The following TRIM67 variants were observed in gnomAD, a reference collection of about 807,000 sequenced individuals.
TRIM67 encodes tripartite motif-containing protein 67.
Under a neutral mutation model 71.0 loss-of-function variants are expected in TRIM67, and 39 were observed. The observed-to-expected ratio is 0.55, with a 90% CI of 0.43 to 0.72. The LOEUF is 0.72. TRIM67 is among the 30% of genes least tolerant of loss of function. The pLI is 0.00. For missense variants in TRIM67, 973 were observed against 1,079.2 expected, an observed-to-expected ratio of 0.90 and a Z score of 1.38; for synonymous variants, 481 against 473.9, an observed-to-expected ratio of 1.01 and a Z score of -0.19.
chr1:231,214,715 C>T (rs946642107), intron 9 of TRIM67, among the ~76,000 whole-genome samples: 1 of 146,650 alleles, frequency 6.8e-6, no homozygotes, highest in African/African-American at 2.5e-5. Flanking sequence ...GGAGGCGGAG[C>T]TTCCAGTGAG....
At chr1:231,191,463 G>T (rs1438539439) in intron 1 of TRIM67, among the ~76,000 whole-genome samples, 3 of 152,214 alleles carry the variant, frequency 2.0e-5, no homozygotes, top group Non-Finnish European at 4.4e-5. Context: ...GACTGGCAAG[G>T]GGTGTTGAGA....
chr1:231,187,996 C>T (rs931628187), intron 1 of TRIM67, among the ~76,000 whole-genome samples: 6 of 152,178 alleles, frequency 3.9e-5, no homozygotes, highest in African/African-American at 1.4e-4. Flanking sequence ...GAGCTGCCTG[C>T]ACTTCCCTGC....
At position 231,163,551 on chromosome 1, in the gene TRIM67, G is replaced by C; in HGVS notation, c.582G>C (p.Gly194=). ...AIVQRYQQGR[G]AVPGTSAAAA... ...TGCAGCGGTACCAGCAGGGCCGCGG[G>C]GCCGTGCCGGGGACGTCTGCAGCCG... Residue 194 remains glycine, a synonymous_variant, in exon 1 of 10, where the codon GGG becomes GGC. Coordinates refer to ENST00000366653, the MANE Select transcript of TRIM67 (RefSeq NM_001004342.5). 1 of 1,513,144 alleles carries C rather than the reference G, an allele frequency of 6.6e-7. No individual in the cohort carries two copies. The highest frequency in any genetic ancestry group is 2.0e-5 in the Admixed American group (1 of 48,868). The allele number at this position is 1,513,144 out of a possible 1,614,324, so 93.7% of individuals were successfully genotyped here.
chr1:231,209,039 CG>C lies in TRIM67; in HGVS notation c.1915del (p.Val639TrpfsTer41). ...QTATCSSYDD[R>X]VVLGTAAFSK... Reference sequence around the variant, plus strand: ...AGCCACCTGCAGCAGCTATGACGACCGGGTGGTGCTGGGCACAGCTGCGTTC... The same window carrying C: ...AGCCACCTGCAGCAGCTATGACGACCGGTGGTGCTGGGCACAGCTGCGTTC... On this transcript the variant is annotated frameshift_variant, in exon 8 of 10. Coordinates refer to ENST00000366653, the MANE Select transcript of TRIM67 (RefSeq NM_001004342.5). LOFTEE classifies it high-confidence loss of function. The surrounding 1 kb of genome is among the most constrained non-coding windows in gnomAD (Gnocchi z 4.1). The C allele has an allele frequency of 6.2e-7, 1 of 1,613,588 alleles. No homozygotes were observed. Among genetic ancestry groups the C allele is most frequent in the Non-Finnish European group, 8.5e-7 (1 of 1,179,590 alleles).
intron 5 of TRIM67, among the ~76,000 whole-genome samples, chr1:231,202,867 T>G (rs1353176727): frequency 6.6e-6 from 1 of 151,960 alleles, no homozygotes; most frequent in African/African-American, 2.4e-5. Flanking sequence ...AGTGGGGGTG[T>G]GGAGGGAGGG....
At chr1:231,170,857 C>T (rs1682601919) in intron 1 of TRIM67, among the ~76,000 whole-genome samples, 2 of 152,176 alleles carry the variant, frequency 1.3e-5, no homozygotes, top group South Asian at 4.2e-4. Flanking sequence ...TCTGGCCCTT[C>T]ATAGAAAATA....
intron 1 of TRIM67, among the ~76,000 whole-genome samples, chr1:231,180,662 T>A (rs1213931675): frequency 2.0e-5 from 3 of 152,242 alleles, no homozygotes; most frequent in African/African-American, 7.2e-5. Flanking sequence ...CATGTGTTAA[T>A]ATGTTATTTA....
At chr1:231,187,492 A>C (rs1193360925) in intron 1 of TRIM67, 1 of 1,507,592 alleles carries the variant, frequency 6.6e-7, no homozygotes, top group Non-Finnish European at 8.8e-7. Flanking sequence ...ATTATCAGCC[A>C]CAGGTTAAAA....
rs758616509 is a variant in TRIM67, at chr1:231,163,725, G to A, written c.756G>A (p.Gln252=). The change falls in exon 1 of 10, where the codon CAG becomes CAA. Residue 252 remains glutamine (Q), a synonymous_variant. Coordinates refer to ENST00000366653, the MANE Select transcript of TRIM67 (RefSeq NM_001004342.5). ...CCTTCGCCAAGCATCGCCTGGTGCA[G>A]CCGCCGCCGCCGCCGCCGCCGCCCG... ...RGPFAKHRLV[Q]PPPPPPPPAE... 3.5e-6 allele frequency: 5 copies of A among 1,443,184 alleles called. No individual in the cohort carries two copies. Among genetic ancestry groups the A allele is most frequent in the African/African-American group, 3.0e-5 (2 of 67,704 alleles). 89.4% of individuals were successfully genotyped at this position (1,443,184 alleles called of 1,614,324 possible).
chr1:231,178,218 C>T (rs1439099808), intron 1 of TRIM67, among the ~76,000 whole-genome samples: 2 of 152,132 alleles, frequency 1.3e-5, no homozygotes, highest in African/African-American at 4.8e-5. Flanking sequence ...CAGATGTTAG[C>T]ACTGCTTCAA....
chr1:231,163,893 G>A lies in TRIM67; in HGVS notation c.924G>A (p.Met308Ile). The A allele has an allele frequency of 1.3e-6, 2 of 1,584,912 alleles. No individual in the cohort carries two copies. The highest frequency in any genetic ancestry group is 1.7e-6 in the Non-Finnish European group (2 of 1,166,302). Residue 308 changes from methionine to isoleucine, a missense_variant, in exon 1 of 10, where the codon ATG (methionine) becomes ATA (isoleucine). Around this residue, in one of 2 missense-constraint regions of TRIM67, gnomAD observed 795 missense variants for 831.3 expected, o/e 0.96. Coordinates refer to ENST00000366653, the MANE Select transcript of TRIM67 (RefSeq NM_001004342.5). ...TCCCCACGTGTCCCGAGCATGAAAT[G>A]GAGAACTACAGCATGTACTGCGTGA... is the stretch of plus-strand genomic sequence containing the variant. Reference protein sequence around the residue: ...RKFPTCPEHEMENYSMYCVSC... With the variant: ...RKFPTCPEHEIENYSMYCVSC...
At position 231,217,887 on chromosome 1, in the gene TRIM67, G is replaced by T. The variant is rs1337745608; in HGVS notation, c.*2447G>T. 1.2e-5 allele frequency: 15 copies of T among 1,289,306 alleles called. No individual in the cohort carries two copies. The highest frequency in any genetic ancestry group is 1.5e-5 in the Non-Finnish European group (15 of 988,644). The allele number at this position is 1,289,306 out of a possible 1,614,324, so 79.9% of individuals were successfully genotyped here. A position where few individuals can be genotyped will look rare whatever the true frequency, so the allele number is the denominator to read the frequency against. Reference sequence around the variant, plus strand: ...ATCCGGTGGCCTCTTTCAGAAAAAAGTTCCCTGAAGTCCAGAGAGGTGCAG... The same window carrying T: ...ATCCGGTGGCCTCTTTCAGAAAAAATTTCCCTGAAGTCCAGAGAGGTGCAG... On this transcript the variant is annotated 3_prime_UTR_variant, in exon 10 of 10. Transcript: ENST00000366653.
intron 9 of TRIM67, 143 bp from the exon 10 acceptor site, chr1:231,215,232 A>C: frequency 8.3e-7 from 1 of 1,211,960 alleles, no homozygotes; most frequent in Non-Finnish European, 1.1e-6. Context: ...CGTAATATTC[A>C]ACAGTCCACA....
At position 231,221,166 on chromosome 1, in the gene TRIM67, G is replaced by GGTTTAACGTTGGCAAAGGT. The variant is rs1267255464; in HGVS notation, c.*5726_*5727insGTTTAACGTTGGCAAAGGT. On this transcript the variant is annotated 3_prime_UTR_variant, in exon 10 of 10. Transcript: ENST00000366653. ...GGTGTTTGTTTAACGTTGGCAAAGG[G>GGTTTAACGTTGGCAAAGGT]ATTTAACAAGAAACAAAAAGCTTCG... 7.9e-5 allele frequency: 12 copies of GGTTTAACGTTGGCAAAGGT among 152,220 alleles called. No individual in the cohort carries two copies. Among genetic ancestry groups the GGTTTAACGTTGGCAAAGGT allele is most frequent in the Non-Finnish European group, 2.9e-5 (2 of 68,036 alleles). 9.4% of individuals were successfully genotyped at this position (152,220 alleles called of 1,614,324 possible). A position where few individuals can be genotyped will look rare whatever the true frequency, so the allele number is the denominator to read the frequency against.
intron 8 of TRIM67, 110 bp from the exon 9 acceptor site, chr1:231,213,705 T>C: frequency 1.5e-6 from 2 of 1,344,494 alleles, no homozygotes. Flanking sequence ...CACTCCAGCC[T>C]GGGTGACAGA....
intron 1 of TRIM67, among the ~76,000 whole-genome samples, chr1:231,197,092 G>A (rs1465394188): frequency 6.6e-6 from 1 of 152,206 alleles, no homozygotes; most frequent in Non-Finnish European, 1.5e-5. Context: ...CAAACATCAG[G>A]GGCAGACCTG....
chr1:231,206,863 T>G, intron 7 of TRIM67, 73 bp downstream of exon 7: 3 of 1,454,664 alleles, frequency 2.1e-6, no homozygotes, highest in African/African-American at 1.4e-5. Context: ...CAGCCACTTG[T>G]GGCAGCTATG....
intron 1 of TRIM67, among the ~76,000 whole-genome samples, chr1:231,169,098 C>T (rs537993588): frequency 6.6e-6 from 1 of 152,242 alleles, no homozygotes; most frequent in Admixed American, 6.5e-5. Flanking sequence ...TGCTCTATTA[C>T]CCAGGGTGGA....
intron 8 of TRIM67, among the ~76,000 whole-genome samples, chr1:231,212,574 A>G (rs969920279): frequency 1.3e-5 from 2 of 152,212 alleles, no homozygotes; most frequent in African/African-American, 4.8e-5. Flanking sequence ...TCAAAGTAAC[A>G]AGTTAGAGTA....
Sources: gnomAD v4.1 joint callset for allele counts (sites outside exome capture counted in the v4.1 genomes callset) on GRCh38, gnomAD v4.1.1 for gene constraint, gnomAD v4.1.1 regional missense constraint, Gnocchi (gnomAD v3.1) non-coding constraint, MANE v1.5 for transcripts, NCBI Gene and HGNC (gene_info 2026-07-23, HGNC 2026-07-21) for gene names.